PLXNA3: variants seen among roughly 807,000 people sequenced by gnomAD.
PLXNA3 encodes plexin-A3.
PLXNA3 carries 52 observed loss-of-function variants against 118.8 expected under a neutral mutation model. That is an observed-to-expected ratio of 0.44 (90% CI 0.35 to 0.55). The LOEUF is 0.55. Ranked by LOEUF, PLXNA3 falls within the 20% of genes least tolerant of loss-of-function variation. The pLI is 0.01. For synonymous variants in PLXNA3, 925 were observed against 762.4 expected (o/e 1.21, Z -3.51); for missense variants, 1,660 against 1,730.8 (o/e 0.96, Z 0.73).
Position 154,465,816 on chromosome X carries a change from G to A in PLXNA3, c.2501G>A (p.Gly834Asp). The A allele has an allele frequency of 8.3e-7, 1 of 1,206,119 alleles. No homozygotes were observed. The highest frequency in any genetic ancestry group is 1.1e-6 in the Non-Finnish European group (1 of 892,403). Residue 834 changes from glycine (G) to aspartate (D), a missense_variant, in exon 13 of 33, where the codon GGC becomes GAC. Around this residue, in one of 2 missense-constraint regions of PLXNA3, gnomAD observed 869 missense variants for 1,078.7 expected, o/e 0.81. Coordinates refer to ENST00000369682, the MANE Select transcript of PLXNA3 (RefSeq NM_017514.5). ...KTNWMHLSQK[G>D]TRCSHPRITQ... Reference sequence around the variant, plus strand: ...AACTGGATGCACCTGAGCCAGAAGGGCACCCGGTGCAGCCACCCCCGCATC... The same window carrying A: ...AACTGGATGCACCTGAGCCAGAAGGACACCCGGTGCAGCCACCCCCGCATC...
chrX:154,471,766 A>G, intron 32 of PLXNA3, 128 bp downstream of exon 32: 1 of 573,944 alleles, frequency 1.7e-6, no homozygotes, highest in African/African-American at 2.3e-5. Context: ...TGGGGCCGGC[A>G]CAGGTGATGC....
Position 154,468,174 on chromosome X carries a change from C to A in PLXNA3, c.3913C>A (p.Arg1305Ser). 8.4e-7 allele frequency: 1 copy of A among 1,187,013 alleles called. No homozygotes were observed. Among genetic ancestry groups the A allele is most frequent in the Non-Finnish European group, 1.1e-6 (1 of 882,046 alleles). Residue 1305 changes from arginine to serine, a missense_variant, in exon 22 of 33, where the codon CGC becomes AGC. Arg to Ser is a moderately radical substitution (Grantham distance 110). This residue lies in a region of PLXNA3 where 869 missense variants were observed against 1,078.7 expected (regional missense o/e 0.81). Coordinates refer to ENST00000369682, the MANE Select transcript of PLXNA3 (RefSeq NM_017514.5). ...PFLDYRTYAV[R>S]VLFPGIEAHP... ...CCTGGACTACCGGACTTACGCCGTG[C>A]GCGTGCTCTTCCCGGGCATCGAGGC...
Position 154,460,431 on chromosome X carries a change from T to C in PLXNA3, c.248T>C (p.Met83Thr), listed in dbSNP as rs2068926104. The change falls in exon 2 of 33, where the codon ATG (methionine) becomes ACG (threonine). Residue 83 changes from methionine to threonine, a missense_variant. By Grantham distance (81) the Met-to-Thr change is moderately conservative. This residue lies in a region of PLXNA3 where 791 missense variants were observed against 652.1 expected (regional missense o/e 1.21). Coordinates refer to ENST00000369682, the MANE Select transcript of PLXNA3 (RefSeq NM_017514.5). ...GCTCGCTGCTACCCGCCCCCCAGCA[T>C]GCGCGTGTGTGCCCACCGCCTGGCC... ...DNARCYPPPS[M>T]RVCAHRLAPV... 1 of 1,201,068 alleles carries C rather than the reference T, an allele frequency of 8.3e-7. No individual in the cohort carries two copies. Among genetic ancestry groups the C allele is most frequent in the Non-Finnish European group, 1.1e-6 (1 of 888,773 alleles).
chrX:154,465,213 G>T lies in PLXNA3; in HGVS notation c.2239G>T (p.Ala747Ser). The T allele has an allele frequency of 8.3e-7, 1 of 1,204,826 alleles. No individual in the cohort carries two copies. The highest frequency in any genetic ancestry group is 1.7e-5 in the African/African-American group (1 of 57,774). The change falls in exon 11 of 33, where the codon GCC becomes TCC. Residue 747 changes from alanine (A) to serine (S), a missense_variant. Transcript: ENST00000369682. ...FNSSSVQCQN[A>S]SYSYEGDEHG... ...CAGCAGCAGTGTGCAGTGCCAGAAC[G>T]CCTCGGTGAGGTCCCACCCGCTGCC...
At chrX:154,469,820 GA>G in intron 28 of PLXNA3, 36 bp downstream of exon 28, 1 of 1,153,918 alleles carries the variant, frequency 8.7e-7, no homozygotes, top group Non-Finnish European at 1.2e-6. Context: ...TGTGCCCTTC[GA>G]GGGAACCCCC....
In PLXNA3 at chrX:154,468,459, A is replaced by G; in HGVS notation, c.4120A>G (p.Ser1374Gly). ...CTCGCTCACCATGGTGGCCCTGCAGAGCCGGCTCGACTATGCCACGGGGCT... is the reference window on the plus strand; with the variant it reads ...CTCGCTCACCATGGTGGCCCTGCAGGGCCGGCTCGACTATGCCACGGGGCT... ...VASLTMVALQ[S>G]RLDYATGLLK... The change falls in exon 23 of 33, where the codon AGC becomes GGC. Residue 1374 changes from serine (S) to glycine (G), a missense_variant. Physicochemically the swap from Ser to Gly is moderately conservative, Grantham distance 56. Around this residue, in one of 2 missense-constraint regions of PLXNA3, gnomAD observed 869 missense variants for 1,078.7 expected, o/e 0.81. Coordinates refer to ENST00000369682, the MANE Select transcript of PLXNA3 (RefSeq NM_017514.5). 1.7e-6 allele frequency: 2 copies of G among 1,211,243 alleles called. No individual in the cohort carries two copies. Among genetic ancestry groups the G allele is most frequent in the Non-Finnish European group, 2.2e-6 (2 of 895,498 alleles).
Position 154,464,823 on chromosome X carries a change from C to A in PLXNA3, c.1998C>A (p.Arg666=). The A allele has an allele frequency of 8.3e-7, 1 of 1,207,765 alleles. No homozygotes were observed. The highest frequency in any genetic ancestry group is 1.1e-6 in the Non-Finnish European group (1 of 893,321). The part of the protein sequence containing the change: ...WCKYRHTCTS[R]PHECSFQEGR... ...AGTACCGCCACACGTGTACCAGCCG[C>A]CCCCACGAGTGCTCCTTCCAGGAGG... Residue 666 remains arginine, a synonymous_variant, in exon 10 of 33, where the codon CGC becomes CGA. Transcript: ENST00000369682.
rs202053669 is a variant in PLXNA3, at chrX:154,464,759, T to C, written c.1934T>C (p.Met645Thr). ...FYNCSVLQSCMSCVGSPYPCH... is the reference protein window; with the variant it reads ...FYNCSVLQSCTSCVGSPYPCH... ...TGAAGCCACTTCCCCCCCAGGTGCATGTCCTGTGTTGGCAGCCCTTACCCC... is the reference window on the plus strand; with the variant it reads ...TGAAGCCACTTCCCCCCCAGGTGCACGTCCTGTGTTGGCAGCCCTTACCCC... Residue 645 changes from methionine (M) to threonine (T), a missense_variant, in exon 10 of 33, where the codon ATG (methionine) becomes ACG (threonine). By Grantham distance (81) the Met-to-Thr change is moderately conservative (BLOSUM62 -1). Transcript: ENST00000369682. 3.7e-5 allele frequency: 43 copies of C among 1,167,401 alleles called. No individual in the cohort carries two copies. The highest frequency in any genetic ancestry group is 4.4e-5 in the Non-Finnish European group (38 of 867,650).
chrX:154,461,885 T>G (rs1476360914), intron 3 of PLXNA3, among the ~76,000 whole-genome samples: 1 of 112,235 alleles, frequency 8.9e-6, no homozygotes, highest in Non-Finnish European at 1.9e-5. Flanking sequence ...GTCTCCCGGT[T>G]GCCCCTTGTC....
intron 4 of PLXNA3, 107 bp from the exon 5 acceptor site, chrX:154,463,284 C>T: frequency 1.8e-6 from 2 of 1,094,186 alleles, no homozygotes; most frequent in Non-Finnish European, 2.5e-6. Flanking sequence ...TGAACCCCAC[C>T]AGGTCCTGAC....
rs1297497641 is a variant in PLXNA3, at chrX:154,477,701, C to T, written c.*5016C>T. 1 of 19,620 alleles carries T rather than the reference C, an allele frequency of 5.1e-5. No homozygotes were observed. The highest frequency in any genetic ancestry group is 4.1e-3 in the East Asian group (1 of 244). 1.6% of individuals were successfully genotyped at this position (19,620 alleles called of 1,213,427 possible). A position where few individuals can be genotyped will look rare whatever the true frequency, so the allele number is the denominator to read the frequency against. On this transcript the variant is annotated 3_prime_UTR_variant, in exon 33 of 33. Transcript: ENST00000369682. The stretch of plus-strand genomic sequence containing the variant: ...CTCCTTGAATATCTGAATTCTAGAA[C>T]CCCCCCCCCAGCAACCCAAGCACAA...
At position 154,461,718 on chromosome X, in the gene PLXNA3, T is replaced by C. The variant is rs2068966874; in HGVS notation, c.1134+80T>C. 9.2e-6 allele frequency: 9 copies of C among 981,721 alleles called. No homozygotes were observed. The South Asian group carries it at 1.6e-4, about 17-fold the overall frequency. 80.9% of individuals were successfully genotyped at this position (981,721 alleles called of 1,213,427 possible). On this transcript the variant is annotated intron_variant, in intron 3 of 32. Coordinates refer to ENST00000369682, the MANE Select transcript of PLXNA3 (RefSeq NM_017514.5). ...CCCAGCGTGGGCTCACGGCCAGTCA[T>C]CCTGTCCCAGGCTTTGCCATGGCCC...
chrX:154,463,032 C>T (rs1329357835), intron 4 of PLXNA3, among the ~76,000 whole-genome samples: 4 of 111,138 alleles, frequency 3.6e-5, no homozygotes, highest in African/African-American at 6.6e-5. Context: ...CTTTGTTGAA[C>T]GCGTACTATC....
At chrX:154,468,801 G>A in intron 24 of PLXNA3, 22 bp from the exon 25 acceptor site, 2 of 1,211,464 alleles carry the variant, frequency 1.7e-6, no homozygotes, top group Non-Finnish European at 2.2e-6. Context: ...GCAGCCAGCT[G>A]TGCACCTGTC....
chrX:154,470,308 A>T, intron 29 of PLXNA3, 134 bp from the exon 30 acceptor site: 1 of 920,527 alleles, frequency 1.1e-6, no homozygotes, highest in Non-Finnish European at 1.5e-6. Flanking sequence ...GATAAAGGCC[A>T]TGTCTGTCTG....
In PLXNA3 at chrX:154,460,288, C is replaced by G. The variant is rs1557203239; in HGVS notation, c.105C>G (p.His35Gln). Residue 35 changes from histidine to glutamine, a missense_variant, in exon 2 of 33, where the codon CAC (histidine) becomes CAG (glutamine). His to Gln is a conservative substitution (Grantham distance 24). Around this residue, in one of 2 missense-constraint regions of PLXNA3, gnomAD observed 791 missense variants for 652.1 expected, o/e 1.21. Coordinates refer to ENST00000369682, the MANE Select transcript of PLXNA3 (RefSeq NM_017514.5). The part of the protein sequence containing the change: ...AFVVTDTTLT[H>Q]LAVHRVTGEV... ...TGGTGACAGACACCACGCTTACCCA[C>G]CTGGCTGTGCACCGGGTGACTGGGG... The G allele has an allele frequency of 8.3e-7, 1 of 1,208,239 alleles. No homozygotes were observed. The highest frequency in any genetic ancestry group is 1.1e-6 in the Non-Finnish European group (1 of 893,716).
chrX:154,459,126 C>A (rs2068891176), intron 1 of PLXNA3, among the ~76,000 whole-genome samples: 2 of 109,650 alleles, frequency 1.8e-5, no homozygotes, highest in South Asian at 7.9e-4. Flanking sequence ...CTTTCTCTCT[C>A]CTGTGCCTCC....
At position 154,460,355 on chromosome X, in the gene PLXNA3, C is replaced by T. The variant is rs147019078; in HGVS notation, c.172C>T (p.Pro58Ser). ...AGTGAACCGAGTCTTTAAGCTGGCC[C>T]CCAACCTGACTGAGCTGCGGGCCCA... ...GAVNRVFKLA[P>S]NLTELRAHVT... The change falls in exon 2 of 33, where the codon CCC (proline) becomes TCC (serine). Residue 58 changes from proline to serine, a missense_variant. By Grantham distance (74) the Pro-to-Ser change is moderately conservative (BLOSUM62 -1). Around this residue, in one of 2 missense-constraint regions of PLXNA3, gnomAD observed 791 missense variants for 652.1 expected, o/e 1.21. Coordinates refer to ENST00000369682, the MANE Select transcript of PLXNA3 (RefSeq NM_017514.5). 1.1e-3 allele frequency: 1,332 copies of T among 1,209,562 alleles called. No homozygotes were observed. The highest frequency in any genetic ancestry group is 1.3e-3 in the Non-Finnish European group (1,167 of 894,854).
In PLXNA3 at chrX:154,475,399, CCTTT is replaced by C. The variant is rs2069230216; in HGVS notation, c.*2718_*2721del. 1 of 112,319 alleles carries C rather than the reference CCTTT, an allele frequency of 8.9e-6. No homozygotes were observed. The highest frequency in any genetic ancestry group is 3.2e-5 in the African/African-American group (1 of 30,914). 9.3% of individuals were successfully genotyped at this position (112,319 alleles called of 1,213,427 possible). A position where few individuals can be genotyped will look rare whatever the true frequency, so the allele number is the denominator to read the frequency against. On this transcript the variant is annotated 3_prime_UTR_variant, in exon 33 of 33. Coordinates refer to ENST00000369682, the MANE Select transcript of PLXNA3 (RefSeq NM_017514.5). ...TACAGGCATGAGCCACTGTTCCTGG[CCTTT>C]CTTCTTTTTTTGTTTTTGTTTTTTT...
Sources: allele counts gnomAD v4.1 joint callset (sites outside exome capture counted in the v4.1 genomes callset), GRCh38; gene constraint gnomAD v4.1.1; regional missense constraint gnomAD v4.1.1; transcripts MANE v1.5; gene names NCBI Gene and HGNC (gene_info 2026-07-23, HGNC 2026-07-21).